Variants in CWH43 observed in about 807,000 individuals in gnomAD.
CWH43 encodes cell wall biogenesis 43 C-terminal homolog, also known as PGAP2-interacting protein.
Under a neutral mutation model 85.7 loss-of-function variants are expected in CWH43, and 91 were observed. That is an observed-to-expected ratio of 1.06 (90% confidence interval 0.90 to 1.26). CWH43 has a LOEUF of 1.26. Ranked by LOEUF, CWH43 falls within the 50% of genes most tolerant of loss-of-function variation. CWH43 has a pLI of 0.00. For missense variants in CWH43, 869 were observed against 839.2 expected, an observed-to-expected ratio of 1.04 and a Z score of -0.44; for synonymous variants, 323 against 293.6, an observed-to-expected ratio of 1.10 and a Z score of -1.02.
At chr4:49,031,836 G>A (rs1784108543) in intron 11 of CWH43, among the ~76,000 whole-genome samples, 1 of 152,150 alleles carries the variant, frequency 6.6e-6, no homozygotes, top group South Asian at 2.1e-4. Flanking sequence ...TGATGTCTAG[G>A]TTTTTGACCT....
chr4:49,016,525 T>C (rs1305960956), intron 8 of CWH43, among the ~76,000 whole-genome samples: 1 of 152,052 alleles, frequency 6.6e-6, no homozygotes, highest in Non-Finnish European at 1.5e-5. Flanking sequence ...TTCCAACCAT[T>C]ATAGTAAGCG....
At chr4:49,041,481 T>G (rs968400748) in intron 13 of CWH43, among the ~76,000 whole-genome samples, 1 of 152,228 alleles carries the variant, frequency 6.6e-6, no homozygotes, top group Non-Finnish European at 1.5e-5. Flanking sequence ...GTTGGATTCC[T>G]AAGTATTTTA....
chr4:49,038,318 T>C, intron 13 of CWH43, 138 bp downstream of exon 13: 4 of 659,816 alleles, frequency 6.1e-6, no homozygotes, highest in Non-Finnish European at 1.0e-5. Flanking sequence ...CCACAAAACA[T>C]GTGAGCTTAA....
At chr4:49,055,968 G>C (rs558785251) in intron 15 of CWH43, among the ~76,000 whole-genome samples, 72 of 148,396 alleles carry the variant, frequency 4.9e-4, no homozygotes, top group African/African-American at 1.7e-3. Context: ...ACATTGTGCA[G>C]GTTAGTTACA....
chr4:48,992,242 C>T lies in CWH43; in HGVS notation c.511+152C>T. On this transcript the variant is annotated intron_variant, in intron 4 of 15. Transcript: ENST00000226432. This position sits in a 1 kb window ranked among gnomAD's most constrained non-coding sequence, Gnocchi z 4.3. ...TCCTCTGAAATAATAATTGGTGCAGCCAGTGGGCTATTTGCTAAGCAGGAG... is the reference window on the plus strand; with the variant it reads ...TCCTCTGAAATAATAATTGGTGCAGTCAGTGGGCTATTTGCTAAGCAGGAG... The T allele has an allele frequency of 2.8e-6, 2 of 702,426 alleles. No homozygotes were observed. The highest frequency in any genetic ancestry group is 4.6e-6 in the Non-Finnish European group (2 of 432,730). The allele number at this position is 702,426 out of a possible 1,614,324, so 43.5% of individuals were successfully genotyped here.
At position 48,998,174 on chromosome 4, in the gene CWH43, G is replaced by A. The variant is rs1042182747; in HGVS notation, c.714-286G>A. ...TGTTCTTGGCAGAATCATTTAAAAT[G>A]TTACTGACCAACATGGACTGTACTT... On this transcript the variant is annotated intron_variant, in intron 5 of 15. Coordinates refer to ENST00000226432, the MANE Select transcript of CWH43 (RefSeq NM_025087.3). 2.0e-5 allele frequency among the ~76,000 whole-genome samples: 3 copies of A among 152,312 alleles called. No individual in the cohort carries two copies. In the East Asian group the frequency reaches 5.8e-4, roughly 29 times the overall value.
chr4:49,014,244 G>T (rs1476211199), intron 8 of CWH43, among the ~76,000 whole-genome samples: 6 of 152,086 alleles, frequency 3.9e-5, no homozygotes, highest in Admixed American at 6.6e-5. Flanking sequence ...CTTGGGGCCA[G>T]GAGTTCGAGA....
chr4:49,011,298 C>T (rs1032790337), intron 8 of CWH43, among the ~76,000 whole-genome samples: 1 of 152,044 alleles, frequency 6.6e-6, no homozygotes, highest in Non-Finnish European at 1.5e-5. Context: ...AGGATTGCAA[C>T]CCCTGCTTTT....
At chr4:49,018,055 G>T (rs1783617746) in intron 9 of CWH43, among the ~76,000 whole-genome samples, 1 of 151,682 alleles carries the variant, frequency 6.6e-6, no homozygotes, top group Admixed American at 6.6e-5. Context: ...GGCCAGGATG[G>T]TCTTGATTTC....
intron 10 of CWH43, among the ~76,000 whole-genome samples, chr4:49,029,642 A>G (rs1259045103): frequency 6.6e-6 from 1 of 152,220 alleles, no homozygotes. Flanking sequence ...AAATCCAATT[A>G]TACATTTGTT....
chr4:49,011,839 T>A (rs1203610356), intron 8 of CWH43, among the ~76,000 whole-genome samples: 1 of 152,238 alleles, frequency 6.6e-6, no homozygotes, highest in Non-Finnish European at 1.5e-5. Flanking sequence ...TGACAAAAGA[T>A]CCGCTGTTAG....
Position 49,011,033 on chromosome 4 carries a change from T to C in CWH43, c.1186+3707T>C, listed in dbSNP as rs530517273. On this transcript the variant is annotated intron_variant, in intron 8 of 15. Coordinates refer to ENST00000226432, the MANE Select transcript of CWH43 (RefSeq NM_025087.3). ...TGAGTTCAAGTCCTGGATATCCTTGTTAACCTTCTGTCTCATTGATATGTC... is the reference window on the plus strand; with the variant it reads ...TGAGTTCAAGTCCTGGATATCCTTGCTAACCTTCTGTCTCATTGATATGTC... 3.3e-5 allele frequency among the ~76,000 whole-genome samples: 5 copies of C among 152,320 alleles called. No homozygotes were observed. The South Asian group carries it at 1.0e-3, about 32-fold the overall frequency.
chr4:49,008,944 T>C (rs1251332299), intron 8 of CWH43, among the ~76,000 whole-genome samples: 4 of 152,180 alleles, frequency 2.6e-5, no homozygotes, highest in Non-Finnish European at 5.9e-5. Flanking sequence ...CCTAGGATTG[T>C]CCTGGCTATG....
chr4:49,031,289 A>G (rs1415754193), intron 11 of CWH43: 1 of 208,144 alleles, frequency 4.8e-6, no homozygotes. Flanking sequence ...AAAAATAAAT[A>G]AGGTACTTCA....
chr4:49,027,894 G>A (rs1783966204), intron 9 of CWH43, among the ~76,000 whole-genome samples: 1 of 152,092 alleles, frequency 6.6e-6, no homozygotes, highest in South Asian at 2.1e-4. Flanking sequence ...CGCATTATCT[G>A]ACTCACTCAC....
chr4:49,006,768 A>G (rs1783170468), intron 7 of CWH43, among the ~76,000 whole-genome samples: 2 of 152,202 alleles, frequency 1.3e-5, no homozygotes, highest in Non-Finnish European at 2.9e-5. Flanking sequence ...ATCCTGGGGC[A>G]GAATTATCAC....
Position 48,992,060 on chromosome 4 carries a change from G to T in CWH43, c.481G>T (p.Ala161Ser). ...MSNKVILTLS[A>S]IATLDRIGTD... is the part of the protein sequence containing the mutation. The stretch of plus-strand genomic sequence containing the variant: ...CAACAAAGTGATACTGACATTAAGT[G>T]CCATAGCCACACTTGATCGTATTGG... The change falls in exon 4 of 16, where the codon GCC becomes TCC. Residue 161 changes from alanine (A) to serine (S), a missense_variant. Transcript: ENST00000226432. The surrounding 1 kb of genome is among the most constrained non-coding windows in gnomAD (Gnocchi z 4.3). 3 of 1,614,046 alleles carry T rather than the reference G, an allele frequency of 1.9e-6. No individual in the cohort carries two copies. The highest frequency in any genetic ancestry group is 2.5e-6 in the Non-Finnish European group (3 of 1,179,932).
Position 48,994,777 on chromosome 4 carries a change from G to A in CWH43, c.670G>A (p.Val224Met). 6.2e-7 allele frequency: 1 copy of A among 1,614,046 alleles called. No homozygotes were observed. Among genetic ancestry groups the A allele is most frequent in the Non-Finnish European group, 8.5e-7 (1 of 1,180,040 alleles). The change falls in exon 5 of 16, where the codon GTG (valine) becomes ATG (methionine). Residue 224 changes from valine to methionine, a missense_variant. By Grantham distance (21) the Val-to-Met change is conservative. Coordinates refer to ENST00000226432, the MANE Select transcript of CWH43 (RefSeq NM_025087.3). ...AGTCTCTCTTGTTTCCAGATGGGCA[G>A]TGAGTGGGCATCCACATCCAGGGCC... is the stretch of plus-strand genomic sequence containing the variant. ...GEVSLVSRWA[V>M]SGHPHPGPDP...
chr4:49,026,280 T>C (rs1239856255), intron 9 of CWH43, among the ~76,000 whole-genome samples: 1 of 152,146 alleles, frequency 6.6e-6, no homozygotes, highest in African/African-American at 2.4e-5. Context: ...GCTACAAGCC[T>C]CCCAGCTGAG....
Sources: allele counts gnomAD v4.1 joint callset (sites outside exome capture counted in the v4.1 genomes callset), GRCh38; gene constraint gnomAD v4.1.1; non-coding constraint Gnocchi (gnomAD v3.1); transcripts MANE v1.5; gene names NCBI Gene and HGNC (gene_info 2026-07-23, HGNC 2026-07-21).